Variants in SPAG16 observed in about 807,000 individuals in gnomAD.
SPAG16 encodes sperm associated antigen 16.
In SPAG16, 86 loss-of-function variants were observed where a neutral mutation model predicts 80.4. The ratio of observed to expected loss-of-function variants is 1.07; its 90% CI spans 0.90 to 1.28. SPAG16 has a LOEUF of 1.28. SPAG16 is among the 50% of genes most tolerant of loss of function. SPAG16 has a pLI of 0.00. For missense variants in SPAG16, 870 were observed against 765.3 expected (o/e 1.14, Z -1.61); for synonymous variants, 294 against 265.9 (o/e 1.11, Z -1.03).
intron 15 of SPAG16, among the ~76,000 whole-genome samples, chr2:214,202,138 G>C (rs2058026360): frequency 6.6e-6 from 1 of 152,156 alleles, no homozygotes; most frequent in African/African-American, 2.4e-5. Flanking sequence ...AAGCTACCAT[G>C]CTCAGCCAAA....
At chr2:213,425,239 G>C (rs1055018420) in intron 9 of SPAG16, among the ~76,000 whole-genome samples, 2 of 152,084 alleles carry the variant, frequency 1.3e-5, no homozygotes, top group African/African-American at 4.8e-5. Context: ...AGAATGGTGT[G>C]AACCTGGGAA....
At chr2:213,591,847 G>C (rs2060703812) in intron 10 of SPAG16, among the ~76,000 whole-genome samples, 1 of 152,082 alleles carries the variant, frequency 6.6e-6, no homozygotes, top group Non-Finnish European at 1.5e-5. Context: ...TGTGGGATGG[G>C]GTATGGTGGA....
At chr2:214,267,251 C>G (rs930006746) in intron 15 of SPAG16, among the ~76,000 whole-genome samples, 1 of 151,676 alleles carries the variant, frequency 6.6e-6, no homozygotes, top group African/African-American at 2.4e-5. Flanking sequence ...AAATATGTTA[C>G]AAACCTATAA....
At chr2:213,811,180 CTT>C (rs1345240790) in intron 10 of SPAG16, among the ~76,000 whole-genome samples, 9 of 152,108 alleles carry the variant, frequency 5.9e-5, no homozygotes, top group Non-Finnish European at 1.2e-4. Flanking sequence ...AGATTTCTCT[CTT>C]TGTTTAACAG....
chr2:214,199,128 T>C (rs1321866728), intron 15 of SPAG16, among the ~76,000 whole-genome samples: 1 of 152,180 alleles, frequency 6.6e-6, no homozygotes, highest in African/African-American at 2.4e-5. Flanking sequence ...TTATTTATTT[T>C]TGTTTTTGTT....
intron 8 of SPAG16, among the ~76,000 whole-genome samples, chr2:213,373,962 A>G (rs1324079794): frequency 6.6e-6 from 1 of 152,180 alleles, no homozygotes; most frequent in African/African-American, 2.4e-5. Context: ...CTTAATCTCA[A>G]CAAGCTGTAA....
chr2:213,363,346 T>C (rs2066099004), intron 7 of SPAG16, among the ~76,000 whole-genome samples: 1 of 152,028 alleles, frequency 6.6e-6, no homozygotes, highest in Non-Finnish European at 1.5e-5. Context: ...ACCTAGGCAT[T>C]TCATGAGCAC....
At chr2:213,452,183 C>A (rs955038531) in intron 9 of SPAG16, among the ~76,000 whole-genome samples, 1 of 152,094 alleles carries the variant, frequency 6.6e-6, no homozygotes, top group Admixed American at 6.5e-5. Context: ...GAGGTGATTT[C>A]TTTGAACTGC....
intron 6 of SPAG16, among the ~76,000 whole-genome samples, chr2:213,346,930 C>G (rs369348883): frequency 3.6e-4 from 54 of 152,004 alleles, no homozygotes; most frequent in Middle Eastern, 3.4e-3. Context: ...CCTTCTTTTT[C>G]TATTGATTGG....
intron 13 of SPAG16, among the ~76,000 whole-genome samples, chr2:214,056,768 G>T (rs1229355364): frequency 6.6e-6 from 1 of 152,154 alleles, no homozygotes; most frequent in African/African-American, 2.4e-5. Context: ...ACCCACAGTA[G>T]AAATTCTTTA....
At position 213,940,523 on chromosome 2, in the gene SPAG16, G is replaced by A. The variant is rs189173424; in HGVS notation, c.1400+10378G>A. Among the ~76,000 whole-genome samples, 454 of 152,160 alleles carry A rather than the reference G, an allele frequency of 3.0e-3. 2 individuals carry two copies. Among genetic ancestry groups the A allele is most frequent in the African/African-American group, 0.01 (435 of 41,516 alleles). On this transcript the variant is annotated intron_variant, in intron 12 of 15. Transcript: ENST00000331683. The stretch of plus-strand genomic sequence containing the variant: ...TTGCCCAAGCTGGTGTCCAATCACT[G>A]GCCCCAATTGATCCTCCTGCCTTAT...
At chr2:213,406,178 G>T (rs1487734883) in intron 9 of SPAG16, among the ~76,000 whole-genome samples, 1 of 152,082 alleles carries the variant, frequency 6.6e-6, no homozygotes, top group Non-Finnish European at 1.5e-5. Flanking sequence ...ATCATGAATT[G>T]GATAGTGGAG....
At chr2:213,910,508 A>G (rs1442717276) in intron 11 of SPAG16, among the ~76,000 whole-genome samples, 4 of 22,088 alleles carry the variant, frequency 1.8e-4, no homozygotes, top group Non-Finnish European at 4.8e-4. Context: ...TTTTTTTTTG[A>G]GACGGAGTCT....
chr2:213,410,491 T>C (rs2068905582), intron 9 of SPAG16, among the ~76,000 whole-genome samples: 1 of 152,162 alleles, frequency 6.6e-6, no homozygotes, highest in South Asian at 2.1e-4. Context: ...ATGTAGAGCT[T>C]TTATGCTGTA....
At chr2:213,351,714 G>C (rs927802485) in intron 7 of SPAG16, among the ~76,000 whole-genome samples, 7 of 152,062 alleles carry the variant, frequency 4.6e-5, no homozygotes, top group African/African-American at 1.7e-4. Context: ...AATTTTATTT[G>C]TCAAGACATG....
Position 213,414,913 on chromosome 2 carries a change from A to G in SPAG16, c.942+39794A>G, listed in dbSNP as rs1328728595. On this transcript the variant is annotated intron_variant, in intron 9 of 15. Transcript: ENST00000331683. ...TGTCTGTTCTTTGTGACATAGTCAC[A>G]TGGATGGCAGCAGGCAAAGAGAGAA... Among the ~76,000 whole-genome samples, 2 of 152,238 alleles carry G rather than the reference A, an allele frequency of 1.3e-5. 1 individual carries two copies. The highest frequency in any genetic ancestry group is 6.3e-3 in the Middle Eastern group (2 of 316).
intron 9 of SPAG16, among the ~76,000 whole-genome samples, chr2:213,400,948 C>T (rs1184538906): frequency 6.6e-6 from 1 of 152,126 alleles, no homozygotes; most frequent in African/African-American, 2.4e-5. Context: ...GCTGGGACTA[C>T]AGGCCTGCAC....
intron 14 of SPAG16, among the ~76,000 whole-genome samples, chr2:214,129,829 G>A (rs1340535231): frequency 5.9e-5 from 9 of 152,050 alleles, no homozygotes; most frequent in Admixed American, 3.9e-4. Context: ...TATAGACTAT[G>A]AATGCATGAC....
intron 12 of SPAG16, among the ~76,000 whole-genome samples, chr2:213,937,829 A>C (rs4513239): frequency 0.33 from 49,822 of 151,836 alleles, 8,910 homozygotes; most frequent in South Asian, 0.46. Flanking sequence ...GAATGGCTCA[A>C]GTAAGTGTCC....
Sources: gnomAD v4.1 joint callset for allele counts (sites outside exome capture counted in the v4.1 genomes callset) on GRCh38, gnomAD v4.1.1 for gene constraint, MANE v1.5 for transcripts, NCBI Gene and HGNC (gene_info 2026-07-23, HGNC 2026-07-21) for gene names.